CGREF1: variants seen among roughly 807,000 people sequenced by gnomAD.
CGREF1 encodes cell growth regulator with EF-hand domain 1, also known as cell growth regulator with EF hand domain protein 1.
CGREF1 carries 16 observed loss-of-function variants against 17.4 expected under a neutral mutation model. The observed-to-expected ratio is 0.92, with a 90% CI of 0.62 to 1.40. CGREF1 has a LOEUF of 1.40. CGREF1 is among the 40% of genes most tolerant of loss of function. The pLI, the probability that CGREF1 is intolerant of heterozygous loss-of-function variation, is 0.00. For missense variants in CGREF1, 296 were observed against 376.4 expected (o/e 0.79, Z 1.77); for synonymous variants, 142 against 154.6 (o/e 0.92, Z 0.61).
chr2:27,099,553 T>A (rs770138704), downstream of CGREF1: 3 of 1,614,106 alleles, frequency 1.9e-6, no homozygotes, highest in East Asian at 6.7e-5. Context: ...CTTCAATGCC[T>A]CCGTCATCTT....
At chr2:27,099,726 G>A, downstream of CGREF1, 1 of 1,614,016 alleles carries the variant, frequency 6.2e-7, no homozygotes, top group East Asian at 2.2e-5. Context: ...AGTGTGGCCT[G>A]CAGGGCTTTG....
chr2:27,099,355 G>C, downstream of CGREF1: 1 of 1,612,512 alleles, frequency 6.2e-7, no homozygotes. Flanking sequence ...GTCCGCCCTG[G>C]AGCTGGGAGG....
chr2:27,108,225 A>C (rs1451291099), intron 1 of CGREF1, among the ~76,000 whole-genome samples: 4 of 152,190 alleles, frequency 2.6e-5, no homozygotes. Flanking sequence ...ACTGCGCTCC[A>C]GCCTGAGCGA....
At position 27,100,819 on chromosome 2, in the gene CGREF1, C is replaced by T; in HGVS notation, c.*455G>A. 1 of 1,114,528 alleles carries T rather than the reference C, an allele frequency of 9.0e-7. No individual in the cohort carries two copies. The highest frequency in any genetic ancestry group is 1.1e-6 in the Non-Finnish European group (1 of 905,946). 69.0% of individuals were successfully genotyped at this position (1,114,528 alleles called of 1,614,324 possible). On this transcript the variant is annotated 3_prime_UTR_variant, in exon 6 of 6. Coordinates refer to ENST00000402394, the MANE Select transcript of CGREF1 (RefSeq NM_006569.6). ...ATATTACTGGGGATGGGGTCACCTGCCCTGAGCTGCAGGAGAGCATGGGGT... is the reference window on the plus strand; with the variant it reads ...ATATTACTGGGGATGGGGTCACCTGTCCTGAGCTGCAGGAGAGCATGGGGT...
chr2:27,103,192 G>T, intron 2 of CGREF1: 1 of 838,712 alleles, frequency 1.2e-6, no homozygotes, highest in Non-Finnish European at 1.4e-6. Flanking sequence ...ATGCCAGAGA[G>T]CTGGCAGGAG....
At chr2:27,116,875 C>CAT (rs1468700455) in intron 1 of CGREF1, among the ~76,000 whole-genome samples, 4 of 30,040 alleles carry the variant, frequency 1.3e-4, no homozygotes, top group Non-Finnish European at 1.9e-4. Context: ...GGCCTATTCT[C>CAT]TCTCTCTCTC....
In CGREF1 at chr2:27,101,306, G is replaced by C; in HGVS notation, c.925C>G (p.His309Asp). Reference protein sequence around the residue: ...SKNTQNDFEVHIVQVENDEI With the variant: ...SKNTQNDFEVDIVQVENDEI ...TCATCATTCTCCACTTGAACAATGT[G>C]CACCTCAAAGTCATTTTGGGTGTTC... is the stretch of plus-strand genomic sequence containing the variant. Residue 309 changes from histidine (H) to aspartate (D), a missense_variant, in exon 6 of 6, where the codon CAC becomes GAC. Physicochemically the swap from His to Asp is moderately conservative, Grantham distance 81 (BLOSUM62 -1). Transcript: ENST00000402394. 6.3e-7 allele frequency: 1 copy of C among 1,580,492 alleles called. No homozygotes were observed.
chr2:27,099,790 T>TG (rs1290730797), downstream of CGREF1: 2 of 1,605,706 alleles, frequency 1.2e-6, no homozygotes, highest in East Asian at 4.5e-5. Context: ...GAGACTACCA[T>TG]TGCGGCTGCA....
chr2:27,116,894 T>TCC (rs1558466838), intron 1 of CGREF1, among the ~76,000 whole-genome samples: 1,590 of 119,676 alleles, frequency 0.013, 32 homozygotes, highest in Non-Finnish European at 0.021. Flanking sequence ...TCTCTCTCTC[T>TCC]CTCTCTCTCT....
At chr2:27,102,976 C>T (rs528464080) in intron 2 of CGREF1, 1 of 985,434 alleles carries the variant, frequency 1.0e-6, no homozygotes, top group South Asian at 4.7e-5. Flanking sequence ...AGGTCTCTGG[C>T]TGAGCCTGGT....
At chr2:27,108,207 A>G (rs1273057385) in intron 1 of CGREF1, among the ~76,000 whole-genome samples, 4 of 152,128 alleles carry the variant, frequency 2.6e-5, no homozygotes, top group Admixed American at 1.3e-4. Context: ...GTGAGCCAAG[A>G]TCACCCCACT....
chr2:27,117,705 A>ATT (rs35908937), intron 1 of CGREF1, among the ~76,000 whole-genome samples: 1,861 of 123,134 alleles, frequency 0.015, 49 homozygotes, highest in African/African-American at 0.046. Flanking sequence ...TGGGATCTGA[A>ATT]TTTTTTTTTT....
At chr2:27,114,353 G>A (rs188983902) in intron 1 of CGREF1, among the ~76,000 whole-genome samples, 13 of 152,222 alleles carry the variant, frequency 8.5e-5, no homozygotes, top group Admixed American at 2.6e-4. Flanking sequence ...GGGGGGAGCC[G>A]TTCAGGCATA....
chr2:27,103,510 T>C (rs764512443), intron 2 of CGREF1, among the ~76,000 whole-genome samples: 9 of 151,936 alleles, frequency 5.9e-5, no homozygotes, highest in Admixed American at 5.9e-4. Context: ...GTAGCTGGGA[T>C]TACAGGCATG....
chr2:27,103,129 G>C, intron 2 of CGREF1: 1 of 985,066 alleles, frequency 1.0e-6, no homozygotes, highest in Non-Finnish European at 1.2e-6. Flanking sequence ...CTCCAAATGT[G>C]CTCCCACTTC....
At position 27,116,923 on chromosome 2, in the gene CGREF1, C is replaced by CTCTCTCTCTCTCTT. The variant is rs1259106800; in HGVS notation, c.-12+1922_-12+1923insAAGAGAGAGAGAGA. On this transcript the variant is annotated intron_variant, in intron 1 of 5. Coordinates refer to ENST00000402394, the MANE Select transcript of CGREF1 (RefSeq NM_006569.6). The stretch of plus-strand genomic sequence containing the variant: ...TCTCTCTCTCTCTCTCTCTCTCTCT[C>CTCTCTCTCTCTCTT]TTTTTTTGAGACAGAGTCTCGCTCT... 6.1e-3 allele frequency among the ~76,000 whole-genome samples: 322 copies of CTCTCTCTCTCTCTT among 52,956 alleles called. 13 individuals are homozygous for CTCTCTCTCTCTCTT. Among genetic ancestry groups the CTCTCTCTCTCTCTT allele is most frequent in the African/African-American group, 7.4e-3 (76 of 10,312 alleles). 34.7% of individuals were successfully genotyped at this position (52,956 alleles called of 152,430 possible). A position where few individuals can be genotyped will look rare whatever the true frequency, so the allele number is the denominator to read the frequency against.
rs979874335 is a variant in CGREF1 at position 27,103,750 on chromosome 2, C to T, written c.80+537G>A. 5.4e-5 allele frequency among the ~76,000 whole-genome samples: 8 copies of T among 149,292 alleles called. No individual in the cohort carries two copies. The East Asian group carries it at 1.7e-3, about 31-fold the overall frequency. ...CTGTAATCCCAGCACTTTGAGAGGC[C>T]GATGTGGGCGGATCACAAGGTCAAG... On this transcript the variant is annotated intron_variant, in intron 2 of 5. Transcript: ENST00000402394.
At chr2:27,113,676 T>G (rs1671470147) in intron 1 of CGREF1, among the ~76,000 whole-genome samples, 1 of 152,192 alleles carries the variant, frequency 6.6e-6, no homozygotes. Context: ...CTTCAGGTTC[T>G]CCATCTGTAA....
At chr2:27,100,534 G>A (rs1670757827), downstream of CGREF1, 7 of 1,290,848 alleles carry the variant, frequency 5.4e-6, no homozygotes, top group Non-Finnish European at 7.1e-6. Context: ...AATATAGGGT[G>A]GGTAAGGCCT....
Sources: gnomAD v4.1 joint callset for allele counts (sites outside exome capture counted in the v4.1 genomes callset) on GRCh38, gnomAD v4.1.1 for gene constraint, MANE v1.5 for transcripts, NCBI Gene and HGNC (gene_info 2026-07-23, HGNC 2026-07-21) for gene names.